TMEM132D: variants seen among roughly 807,000 people sequenced by gnomAD.
TMEM132D encodes transmembrane protein 132D.
TMEM132D carries 21 observed loss-of-function variants against 62.3 expected under a neutral mutation model. That is an observed-to-expected ratio of 0.34 (90% CI 0.24 to 0.49). TMEM132D has a LOEUF of 0.49. Ranked by LOEUF, TMEM132D falls within the 20% of genes least tolerant of loss-of-function variation. TMEM132D has a pLI of 0.99. For missense variants in TMEM132D, 1,346 were observed against 1,402.8 expected (o/e 0.96, Z 0.65); for synonymous variants, 621 against 575.6 (o/e 1.08, Z -1.13).
chr12:129,747,427 CAG>C (rs1219494603), intron 1 of TMEM132D, among the ~76,000 whole-genome samples: 1 of 146,970 alleles, frequency 6.8e-6, no homozygotes, highest in African/African-American at 2.6e-5. Context: ...CTCACACACA[CAG>C]ACACACACAC....
chr12:129,506,401 A>C (rs1216985529), intron 3 of TMEM132D, among the ~76,000 whole-genome samples: 1 of 152,226 alleles, frequency 6.6e-6, no homozygotes, highest in East Asian at 1.9e-4. Context: ...ACATAGCCAA[A>C]GCAAGACTAA....
At chr12:129,426,841 C>T (rs565524658) in intron 3 of TMEM132D, among the ~76,000 whole-genome samples, 49 of 152,170 alleles carry the variant, frequency 3.2e-4, no homozygotes, top group Non-Finnish European at 5.9e-4. Flanking sequence ...GTGGCAGAAG[C>T]GGGAGCTGTG....
intron 5 of TMEM132D, among the ~76,000 whole-genome samples, chr12:129,096,011 G>A (rs1216404511): frequency 6.6e-6 from 1 of 152,182 alleles, no homozygotes; most frequent in East Asian, 1.9e-4. Context: ...GAACCCAGGG[G>A]AGAGCCAGCT....
At chr12:129,361,303 C>T (rs142088209) in intron 3 of TMEM132D, among the ~76,000 whole-genome samples, 5 of 152,294 alleles carry the variant, frequency 3.3e-5, no homozygotes, top group Admixed American at 3.3e-4. Flanking sequence ...TTTCTAAGCT[C>T]ATGTTGATAG....
intron 1 of TMEM132D, among the ~76,000 whole-genome samples, chr12:129,735,169 T>C (rs560076882): frequency 2.6e-5 from 4 of 152,254 alleles, no homozygotes; most frequent in Non-Finnish European, 4.4e-5. Flanking sequence ...AACTGGTTAA[T>C]GAAATTGTGT....
At chr12:129,147,261 T>TATGTGCATATGTATATATCTAC (rs1876931555) in intron 5 of TMEM132D, among the ~76,000 whole-genome samples, 1 of 142,386 alleles carries the variant, frequency 7.0e-6, no homozygotes, top group African/African-American at 2.7e-5. Flanking sequence ...TATATATACA[T>TATGTGCATATGTATATATCTAC]ATGTGCATAT....
chr12:129,521,499 T>C (rs1399796293), intron 3 of TMEM132D: 1 of 152,192 alleles, frequency 6.6e-6, no homozygotes, highest in African/African-American at 2.4e-5. Flanking sequence ...AGCAAGTTTA[T>C]ATAGAAAATA....
chr12:129,257,035 C>T (rs180966171), intron 4 of TMEM132D, among the ~76,000 whole-genome samples: 10 of 152,166 alleles, frequency 6.6e-5, no homozygotes, highest in Admixed American at 1.3e-4. Flanking sequence ...CTGGTCTATC[C>T]GAGTGAGGTA....
intron 1 of TMEM132D, among the ~76,000 whole-genome samples, chr12:129,707,711 G>C (rs1337212332): frequency 6.6e-6 from 1 of 152,154 alleles, no homozygotes; most frequent in African/African-American, 2.4e-5. Context: ...GGTATCTTAA[G>C]AGCAAGATAC....
At position 129,859,227 on chromosome 12, in the gene TMEM132D, A is replaced by G. The variant is rs190032356; in HGVS notation, c.79+44034T>C. Among the ~76,000 whole-genome samples the G allele has an allele frequency of 3.0e-3, 462 of 152,332 alleles. 1 individual carries two copies. The highest frequency in any genetic ancestry group is 4.7e-3 in the Non-Finnish European group (319 of 68,030). On this transcript the variant is annotated intron_variant, in intron 1 of 8. Transcript: ENST00000422113. The stretch of plus-strand genomic sequence containing the variant: ...GCCTTGATCCTGGAATCCAGGATAG[A>G]GACTGTGGTCGAGAACCATAGACAT...
chr12:129,694,098 AT>A (rs1881135453), intron 2 of TMEM132D, among the ~76,000 whole-genome samples: 1 of 152,192 alleles, frequency 6.6e-6, no homozygotes, highest in African/African-American at 2.4e-5. Flanking sequence ...TCTATGGTGC[AT>A]TTCCTTTGCT....
intron 5 of TMEM132D, among the ~76,000 whole-genome samples, chr12:129,109,114 G>A (rs1366568369): frequency 2.0e-5 from 3 of 152,160 alleles, no homozygotes; most frequent in Non-Finnish European, 4.4e-5. Context: ...TTTTAAATAG[G>A]GATGGAAAAA....
At chr12:129,461,473 A>G (rs189228800) in intron 3 of TMEM132D, among the ~76,000 whole-genome samples, 267 of 152,238 alleles carry the variant, frequency 1.8e-3, no homozygotes, top group African/African-American at 6.2e-3. Context: ...GGTATGAAAA[A>G]CTAAAGAAGA....
chr12:129,221,838 G>T (rs954391003), intron 4 of TMEM132D, among the ~76,000 whole-genome samples: 1 of 152,128 alleles, frequency 6.6e-6, no homozygotes, highest in African/African-American at 2.4e-5. Flanking sequence ...CAAACGCTGC[G>T]ACAATGATGG....
intron 1 of TMEM132D, among the ~76,000 whole-genome samples, chr12:129,872,909 G>A (rs1874298944): frequency 6.6e-6 from 1 of 152,158 alleles, no homozygotes; most frequent in Non-Finnish European, 1.5e-5. Context: ...ACGCGAGGCA[G>A]ATGAAGAAAG....
intron 4 of TMEM132D, among the ~76,000 whole-genome samples, chr12:129,266,859 A>C (rs546321934): frequency 1.2e-4 from 18 of 152,144 alleles, no homozygotes. Context: ...GAATCATCAC[A>C]TCTCACCTGG....
intron 3 of TMEM132D, among the ~76,000 whole-genome samples, chr12:129,448,554 T>C (rs1873175847): frequency 6.6e-6 from 1 of 152,226 alleles, no homozygotes. Context: ...AAGGACTTGA[T>C]TCTCGTTCTT....
intron 2 of TMEM132D, among the ~76,000 whole-genome samples, chr12:129,587,184 A>G (rs1424929873): frequency 6.6e-6 from 1 of 152,204 alleles, no homozygotes; most frequent in Non-Finnish European, 1.5e-5. Flanking sequence ...TGTGGTACAT[A>G]TACACCATGG....
intron 2 of TMEM132D, chr12:129,681,730 C>T (rs1880782057): frequency 6.6e-6 from 1 of 152,258 alleles, no homozygotes; most frequent in South Asian, 2.1e-4. Context: ...ACCCACATCT[C>T]AACAGTTAGA....
Sources: gnomAD v4.1 joint callset for allele counts (sites outside exome capture counted in the v4.1 genomes callset) on GRCh38, gnomAD v4.1.1 for gene constraint, MANE v1.5 for transcripts, NCBI Gene and HGNC (gene_info 2026-07-23, HGNC 2026-07-21) for gene names.